The following GABRR1 variants were observed in gnomAD, a reference collection of about 807,000 sequenced individuals.
The protein encoded by GABRR1 is gamma-aminobutyric acid receptor subunit rho-1.
A neutral mutation model predicts 55.5 loss-of-function variants in GABRR1; 59 were observed. The observed-to-expected ratio is 1.06, with a 90% confidence interval of 0.86 to 1.32. The LOEUF is 1.32. GABRR1 is among the 40% of genes most tolerant of loss of function. The pLI is 0.00. For missense variants in GABRR1, 602 were observed against 619.1 expected (o/e 0.97, Z 0.29); for synonymous variants, 213 against 226.0 (o/e 0.94, Z 0.51).
chr6:89,205,946 T>C (rs948647592), intron 1 of GABRR1, among the ~76,000 whole-genome samples: 5 of 143,758 alleles, frequency 3.5e-5, no homozygotes, highest in African/African-American at 1.3e-4. Context: ...ACACTGGCTC[T>C]AGCTCCACTT....
At chr6:89,204,862 G>C (rs1228167836) in intron 1 of GABRR1, among the ~76,000 whole-genome samples, 1 of 152,068 alleles carries the variant, frequency 6.6e-6, no homozygotes, top group Non-Finnish European at 1.5e-5. Context: ...CTGCCATTCT[G>C]CATCTGTATT....
Position 89,188,186 on chromosome 6 carries a change from G to A in GABRR1, c.655+1979C>T, listed in dbSNP as rs1479838163. Among the ~76,000 whole-genome samples, 9 of 151,984 alleles carry A rather than the reference G, an allele frequency of 5.9e-5. No homozygotes were observed. In the South Asian group the frequency reaches 6.2e-4, roughly 11 times the overall value. On this transcript the variant is annotated intron_variant, in intron 6 of 9. Coordinates refer to ENST00000454853, the MANE Select transcript of GABRR1 (RefSeq NM_002042.5). ...CCACAGATGCCAGCCACCATGCCCA[G>A]CACATTTTTGTATTTTTTGTAGAGA...
intron 6 of GABRR1, among the ~76,000 whole-genome samples, chr6:89,189,042 C>CTCTG (rs1772002444): frequency 6.8e-6 from 1 of 147,430 alleles, no homozygotes; most frequent in Admixed American, 6.8e-5. Context: ...GAACTCATGT[C>CTCTG]TGTGTGTGTG....
intron 1 of GABRR1, among the ~76,000 whole-genome samples, chr6:89,209,928 A>G (rs1174416705): frequency 6.6e-6 from 1 of 152,204 alleles, no homozygotes; most frequent in Non-Finnish European, 1.5e-5. Flanking sequence ...GAAATGGCTG[A>G]CATTCAACTG....
In GABRR1 at chr6:89,217,247, T is replaced by C. The variant is rs12200969; in HGVS notation, c.76A>G (p.Met26Val). The C allele has an allele frequency of 0.35, 563,160 of 1,613,406 alleles. 102,638 individuals are homozygous for C. The highest frequency in any genetic ancestry group is 0.47 in the African/African-American group (35,124 of 74,886). The change falls in exon 1 of 10, where the codon ATG becomes GTG. Residue 26 changes from methionine to valine, a missense_variant. Met to Val is a conservative substitution (Grantham distance 21). Around this residue, in one of 3 missense-constraint regions of GABRR1, gnomAD observed 435 missense variants for 424.2 expected, o/e 1.03. Transcript: ENST00000454853. ...WGWVLATESR[M>V]HWPGREVHEM... is the part of the protein sequence containing the mutation. ...TGGACTTCTCTTCCGGGCCAGTGCA[T>C]TCTGCTTTCAGTGGCCAAAACCCAT...
rs1771912574 is a variant in GABRR1 at position 89,186,678 on chromosome 6, A to C, written c.656-1228T>G. The stretch of plus-strand genomic sequence containing the variant: ...CATAGTGGGGAAAACTAAGTTCTGG[A>C]GACAATGAACTCAGTATTTCAGTCT... On this transcript the variant is annotated intron_variant, in intron 6 of 9. Transcript: ENST00000454853. 2.0e-5 allele frequency among the ~76,000 whole-genome samples: 3 copies of C among 152,246 alleles called. No individual in the cohort carries two copies. In the South Asian group the frequency reaches 6.2e-4, roughly 32 times the overall value.
chr6:89,221,172 G>A (rs544245739), upstream of GABRR1: 1 of 152,258 alleles, frequency 6.6e-6, no homozygotes, highest in Non-Finnish European at 1.5e-5. Flanking sequence ...AGCAGAAGAG[G>A]GACCAGGCAA....
intron 1 of GABRR1, among the ~76,000 whole-genome samples, chr6:89,206,271 G>C (rs1772639091): frequency 1.3e-5 from 2 of 151,890 alleles, no homozygotes; most frequent in South Asian, 4.1e-4. Flanking sequence ...CATCCTCAAA[G>C]TAAAATCCGT....
chr6:89,226,268 A>C (rs979991372), intron 1 of GABRR1, among the ~76,000 whole-genome samples: 12 of 129,392 alleles, frequency 9.3e-5, no homozygotes, highest in African/African-American at 3.7e-4. Context: ...TCTTTATTTT[A>C]ATTAGATCCC....
chr6:89,190,753 C>G (rs1224391342), intron 5 of GABRR1, among the ~76,000 whole-genome samples: 1 of 152,152 alleles, frequency 6.6e-6, no homozygotes, highest in Non-Finnish European at 1.5e-5. Context: ...ATAGTATCTA[C>G]TAGTGGGCAT....
chr6:89,204,491 TTGAA>T, intron 1 of GABRR1: 1 of 390,528 alleles, frequency 2.6e-6, no homozygotes, highest in Non-Finnish European at 4.4e-6. Context: ...TACCTATTAG[TTGAA>T]TGAAGGAAGG....
At chr6:89,218,018 T>A (rs1562317856), upstream of GABRR1, among the ~76,000 whole-genome samples, 2 of 152,254 alleles carry the variant, frequency 1.3e-5, no homozygotes. Context: ...ATACCAGTAA[T>A]AAATTAACTG....
intron 1 of GABRR1, among the ~76,000 whole-genome samples, chr6:89,225,459 C>T (rs1490882100): frequency 3.8e-4 from 52 of 136,954 alleles, no homozygotes; most frequent in Non-Finnish European, 1.9e-4. Context: ...ATTCCCCTTC[C>T]TGTGTCCCTG....
At chr6:89,187,994 A>AT (rs1466830241) in intron 6 of GABRR1, among the ~76,000 whole-genome samples, 1 of 151,682 alleles carries the variant, frequency 6.6e-6, no homozygotes, top group African/African-American at 2.4e-5. Flanking sequence ...CCAGAAATGG[A>AT]TTTGCTGGAT....
At chr6:89,197,632 C>G (rs1454725411) in intron 5 of GABRR1, among the ~76,000 whole-genome samples, 3 of 152,208 alleles carry the variant, frequency 2.0e-5, no homozygotes, top group African/African-American at 7.2e-5. Context: ...AGAAAACATG[C>G]CTGTGGTGGC....
chr6:89,218,203 GA>G (rs1773046211), upstream of GABRR1, among the ~76,000 whole-genome samples: 1 of 152,166 alleles, frequency 6.6e-6, no homozygotes, highest in Admixed American at 6.5e-5. Context: ...AAGCTGAGCT[GA>G]CATGGTTTTG....
chr6:89,212,175 G>C lies in GABRR1; in HGVS notation c.122+5026C>G. On this transcript the variant is annotated intron_variant, in intron 1 of 9. Coordinates refer to ENST00000454853, the MANE Select transcript of GABRR1 (RefSeq NM_002042.5). ...CATCTACTCAGTCGTACAATCCAAA[G>C]ACCTGCCGAACATTCACCCTAAACT... The C allele has an allele frequency of 3.4e-5, 22 of 639,114 alleles. 7 individuals carry two copies. The highest frequency in any genetic ancestry group is 4.1e-5 in the Non-Finnish European group (22 of 534,980). The allele number at this position is 639,114 out of a possible 1,614,324, so 39.6% of individuals were successfully genotyped here.
chr6:89,198,131 C>T lies in GABRR1; in HGVS notation c.461G>A (p.Trp154Ter). 6.2e-7 allele frequency: 1 copy of T among 1,614,070 alleles called. No individual in the cohort carries two copies. The change falls in exon 5 of 10, where the codon TGG becomes TAG. Residue 154 changes from tryptophan (W) to a stop codon, truncating the protein, a stop_gained. Transcript: ENST00000454853. LOFTEE classifies it high-confidence loss of function. ...GTGCACGAAAAACATGTCAGGGACC[C>T]AGATCTTCTTGACCAGCCGGCCGTC... ...TFDGRLVKKI[W>*]VPDMFFVHSK...
intron 3 of GABRR1, among the ~76,000 whole-genome samples, chr6:89,199,904 T>A (rs960981532): frequency 1.3e-5 from 2 of 152,188 alleles, no homozygotes; most frequent in African/African-American, 4.8e-5. Flanking sequence ...TGCAACATGA[T>A]GGAGTAGCTT....
Sources: allele counts gnomAD v4.1 joint callset (sites outside exome capture counted in the v4.1 genomes callset), GRCh38; gene constraint gnomAD v4.1.1; regional missense constraint gnomAD v4.1.1; transcripts MANE v1.5; gene names NCBI Gene and HGNC (gene_info 2026-07-23, HGNC 2026-07-21).